Variants in NKAIN3 observed in about 807,000 individuals in gnomAD.
The protein encoded by NKAIN3 is sodium/potassium-transporting ATPase subunit beta-1-interacting protein 3.
NKAIN3 carries 25 observed loss-of-function variants against 30.2 expected under a neutral mutation model. That is an observed-to-expected ratio of 0.83 (90% CI 0.60 to 1.16). NKAIN3 has a LOEUF of 1.16. Among genes scored for constraint, NKAIN3 ranks in the 50% most tolerant of loss-of-function variants. The pLI is 0.00. For missense variants in NKAIN3, 225 were observed against 254.1 expected, an observed-to-expected ratio of 0.89 and a Z score of 0.78; for synonymous variants, 91 against 89.6, an observed-to-expected ratio of 1.02 and a Z score of -0.09.
At chr8:62,949,638 C>G (rs1823226755) in intron 5 of NKAIN3, among the ~76,000 whole-genome samples, 1 of 152,286 alleles carries the variant, frequency 6.6e-6, no homozygotes, top group African/African-American at 2.4e-5. Context: ...ATGGTAACAC[C>G]TCAGGTTCTG....
intron 1 of NKAIN3, among the ~76,000 whole-genome samples, chr8:62,538,707 C>T (rs1441090826): frequency 6.6e-6 from 1 of 152,098 alleles, no homozygotes; most frequent in African/African-American, 2.4e-5. Context: ...TGGTCTCAGG[C>T]GAATTTGCTG....
intron 3 of NKAIN3, among the ~76,000 whole-genome samples, chr8:62,656,365 A>G (rs1433784556): frequency 1.3e-5 from 2 of 152,182 alleles, no homozygotes; most frequent in African/African-American, 4.8e-5. Flanking sequence ...TTAAAGAAAC[A>G]AAGTTTGCTG....
At chr8:62,509,177 G>A (rs1184938742) in intron 1 of NKAIN3, among the ~76,000 whole-genome samples, 2 of 152,124 alleles carry the variant, frequency 1.3e-5, no homozygotes, top group Admixed American at 6.5e-5. Context: ...TAGAGAGTAG[G>A]AGATAATCAT....
intron 1 of NKAIN3, among the ~76,000 whole-genome samples, chr8:62,434,593 T>C (rs1339131258): frequency 6.6e-6 from 1 of 152,148 alleles, no homozygotes. Flanking sequence ...TATCTGTCCC[T>C]TCCTCTGACA....
intron 4 of NKAIN3, among the ~76,000 whole-genome samples, chr8:62,866,911 C>T (rs1411080263): frequency 2.4e-5 from 2 of 83,286 alleles, no homozygotes; most frequent in African/African-American, 1.0e-4. Flanking sequence ...AAAAATTGGC[C>T]GGGCTTGGTG....
intron 5 of NKAIN3, among the ~76,000 whole-genome samples, chr8:62,928,895 T>G (rs1329062853): frequency 1.3e-5 from 2 of 152,112 alleles, no homozygotes; most frequent in African/African-American, 4.8e-5. Context: ...AAAGGTTCCC[T>G]CGCAGACAGG....
intron 1 of NKAIN3, among the ~76,000 whole-genome samples, chr8:62,552,094 T>C (rs1330582840): frequency 6.6e-6 from 1 of 152,186 alleles, no homozygotes; most frequent in Non-Finnish European, 1.5e-5. Flanking sequence ...GTGCAACACA[T>C]ATAATTGTTG....
At chr8:62,455,438 G>A (rs549045744) in intron 1 of NKAIN3, among the ~76,000 whole-genome samples, 29 of 152,288 alleles carry the variant, frequency 1.9e-4, no homozygotes, top group South Asian at 4.1e-4. Context: ...AATACTGCAT[G>A]TTCTCATTTA....
chr8:62,819,355 C>T (rs527616908), intron 4 of NKAIN3, among the ~76,000 whole-genome samples: 119 of 151,900 alleles, frequency 7.8e-4, no homozygotes, highest in Non-Finnish European at 1.4e-3. Context: ...AAATCTTGAA[C>T]TTGGTGTATG....
At chr8:62,665,808 T>G (rs1048017995) in intron 3 of NKAIN3, among the ~76,000 whole-genome samples, 1 of 152,140 alleles carries the variant, frequency 6.6e-6, no homozygotes, top group Non-Finnish European at 1.5e-5. Flanking sequence ...GCAATAAGTT[T>G]CCATGAGTAG....
At chr8:62,351,046 T>C (rs1193237709) in intron 1 of NKAIN3, among the ~76,000 whole-genome samples, 3 of 151,096 alleles carry the variant, frequency 2.0e-5, no homozygotes, top group African/African-American at 7.3e-5. Context: ...GACAGAAGTA[T>C]ATAAAAACAG....
chr8:62,898,526 C>A (rs561904404), intron 4 of NKAIN3, among the ~76,000 whole-genome samples: 1 of 152,030 alleles, frequency 6.6e-6, no homozygotes, highest in African/African-American at 2.4e-5. Flanking sequence ...CGAAGGGATA[C>A]AGAGTGGTAT....
At chr8:62,933,466 A>C (rs190334103) in intron 5 of NKAIN3, among the ~76,000 whole-genome samples, 1 of 152,320 alleles carries the variant, frequency 6.6e-6, no homozygotes, top group Non-Finnish European at 1.5e-5. Flanking sequence ...ATAACTAAGA[A>C]AAAATGTATT....
chr8:62,740,646 T>TTA (rs1815834944), intron 3 of NKAIN3, among the ~76,000 whole-genome samples: 1 of 151,460 alleles, frequency 6.6e-6, no homozygotes, highest in South Asian at 2.1e-4. Context: ...TGAATATTGT[T>TTA]TTTTTTAGAA....
At chr8:62,558,227 G>A (rs1378649861) in intron 1 of NKAIN3, among the ~76,000 whole-genome samples, 1 of 151,946 alleles carries the variant, frequency 6.6e-6, no homozygotes, top group Non-Finnish European at 1.5e-5. Context: ...TAAGTATTTG[G>A]GTTTGTTTCT....
intron 1 of NKAIN3, among the ~76,000 whole-genome samples, chr8:62,376,334 C>T (rs1464013629): frequency 1.3e-5 from 2 of 152,208 alleles, no homozygotes; most frequent in Non-Finnish European, 2.9e-5. Context: ...AATGTTCTAG[C>T]TTCTTTCCTT....
At chr8:62,778,451 C>T (rs768568837) in intron 4 of NKAIN3, among the ~76,000 whole-genome samples, 12 of 152,200 alleles carry the variant, frequency 7.9e-5, no homozygotes, top group Middle Eastern at 6.8e-3. Flanking sequence ...CCCCTTTCCG[C>T]AAGCAGAGGA....
intron 3 of NKAIN3, among the ~76,000 whole-genome samples, chr8:62,672,606 T>C (rs1160224782): frequency 1.3e-5 from 2 of 152,194 alleles, no homozygotes. Flanking sequence ...TCACCTTGTC[T>C]ACAAGATGTG....
At chr8:62,312,586 G>A (rs1325831515) in intron 1 of NKAIN3, among the ~76,000 whole-genome samples, 5 of 146,622 alleles carry the variant, frequency 3.4e-5, no homozygotes, top group Non-Finnish European at 5.9e-5. Flanking sequence ...GGAAAACTGA[G>A]TCAGGAAGAT....
Sources: gnomAD v4.1 joint callset for allele counts (sites outside exome capture counted in the v4.1 genomes callset) on GRCh38, gnomAD v4.1.1 for gene constraint, MANE v1.5 for transcripts, NCBI Gene and HGNC (gene_info 2026-07-23, HGNC 2026-07-21) for gene names.